Variants in DOCK2 observed in about 807,000 individuals in gnomAD.
DOCK2 encodes dedicator of cytokinesis protein 2.
In DOCK2, 87 loss-of-function variants were observed where a neutral mutation model predicts 248.9. That is an observed-to-expected ratio of 0.35 (90% confidence interval 0.29 to 0.42). DOCK2 has a LOEUF of 0.42. DOCK2 is among the 10% of genes least tolerant of loss of function. The pLI is 1.00. For missense variants in DOCK2, 1,747 were observed against 2,300.2 expected, an observed-to-expected ratio of 0.76 and a Z score of 4.92; for synonymous variants, 805 against 821.6, an observed-to-expected ratio of 0.98 and a Z score of 0.35.
chr5:170,024,529 G>A (rs1581535540), intron 33 of DOCK2, among the ~76,000 whole-genome samples: 1 of 152,224 alleles, frequency 6.6e-6, no homozygotes, highest in East Asian at 1.9e-4. Flanking sequence ...ACAATAGCAT[G>A]ATGAGCTTTG....
chr5:170,073,512 G>A (rs191606911), intron 46 of DOCK2, among the ~76,000 whole-genome samples: 1 of 152,226 alleles, frequency 6.6e-6, no homozygotes, highest in East Asian at 1.9e-4. Context: ...TGGATTAATT[G>A]TACATTAACT....
At chr5:169,760,181 A>G (rs1234742564) in intron 24 of DOCK2, among the ~76,000 whole-genome samples, 3 of 152,116 alleles carry the variant, frequency 2.0e-5, no homozygotes, top group Non-Finnish European at 4.4e-5. Context: ...TTTGCCTTCT[A>G]CTTCTTAACT....
chr5:170,047,335 A>G (rs771865707), intron 39 of DOCK2, among the ~76,000 whole-genome samples, 175 bp from the exon 40 acceptor site: 1 of 152,266 alleles, frequency 6.6e-6, no homozygotes, highest in Admixed American at 6.5e-5. Flanking sequence ...AGTCCCTGGT[A>G]TACTGTAAAT....
In DOCK2 at chr5:169,985,863, C is replaced by A; in HGVS notation, c.2934C>A (p.Asp978Glu). The change falls in exon 29 of 52, where the codon GAC becomes GAA. Residue 978 changes from aspartate (D) to glutamate (E), a missense_variant. Around this residue, in one of 4 missense-constraint regions of DOCK2, gnomAD observed 858 missense variants for 1,183.5 expected, o/e 0.72. Transcript: ENST00000520908. Reference protein sequence around the residue: ...FLMETFIMFKDLIGKNVYPGD... With the variant: ...FLMETFIMFKELIGKNVYPGD... ...TGGAGACCTTCATCATGTTCAAGGA[C>A]CTCATTGGAAAGAACGTGTACCCTG... 6.2e-7 allele frequency: 1 copy of A among 1,610,446 alleles called. No individual in the cohort carries two copies. Among genetic ancestry groups the A allele is most frequent in the Non-Finnish European group, 8.5e-7 (1 of 1,177,846 alleles).
At chr5:170,025,790 C>CCCTTACTTCCTTCCTT in intron 33 of DOCK2, among the ~76,000 whole-genome samples, 1 of 67,616 alleles carries the variant, frequency 1.5e-5, no homozygotes, top group Non-Finnish European at 3.0e-5. Context: ...CTCCTTCCCT[C>CCCTTACTTCCTTCCTT]CCTTCCTTCC....
chr5:170,006,128 C>T (rs563852499), intron 30 of DOCK2, among the ~76,000 whole-genome samples: 1 of 152,266 alleles, frequency 6.6e-6, no homozygotes, highest in South Asian at 2.1e-4. Context: ...AAAGCAAAGC[C>T]CTGGAGAAAC....
rs1020085668 is a variant in DOCK2, at chr5:170,018,737, G to A, written c.3233-223G>A. On this transcript the variant is annotated intron_variant, in intron 32 of 51. Transcript: ENST00000520908. Reference sequence around the variant, plus strand: ...TTCTACACGCACGCCCGTGTTATTAGCCTTAATAATCGGGCTTGTTTTGGA... The same window carrying A: ...TTCTACACGCACGCCCGTGTTATTAACCTTAATAATCGGGCTTGTTTTGGA... Among the ~76,000 whole-genome samples, 6 of 152,182 alleles carry A rather than the reference G, an allele frequency of 3.9e-5. No individual in the cohort carries two copies. The East Asian group carries it at 9.6e-4, about 24-fold the overall frequency.
intron 27 of DOCK2, chr5:169,883,770 C>A: frequency 1.9e-6 from 3 of 1,551,596 alleles, no homozygotes; most frequent in Non-Finnish European, 2.6e-6. Context: ...TCTTAGTGGT[C>A]CCATCTTCCT....
chr5:169,899,158 CA>C (rs1773781294), intron 27 of DOCK2, among the ~76,000 whole-genome samples: 1 of 152,058 alleles, frequency 6.6e-6, no homozygotes, highest in Admixed American at 6.6e-5. Context: ...AGTAAGAGCT[CA>C]AAAAATGTTA....
intron 27 of DOCK2, among the ~76,000 whole-genome samples, chr5:169,907,073 C>G (rs1581396564): frequency 6.6e-6 from 1 of 152,086 alleles, no homozygotes; most frequent in East Asian, 1.9e-4. Context: ...TGAAAAGATG[C>G]CAAACATAAA....
intron 27 of DOCK2, among the ~76,000 whole-genome samples, chr5:169,952,555 G>A (rs1392930429): frequency 6.6e-6 from 1 of 152,142 alleles, no homozygotes; most frequent in African/African-American, 2.4e-5. Context: ...GGCTGAGAAG[G>A]TAGTGTGGCA....
At chr5:169,905,827 G>C (rs1454267240) in intron 27 of DOCK2, among the ~76,000 whole-genome samples, 1 of 152,166 alleles carries the variant, frequency 6.6e-6, no homozygotes, top group African/African-American at 2.4e-5. Flanking sequence ...GAACACTTTG[G>C]GGCAGATGTA....
Position 170,082,423 on chromosome 5 carries a change from C to A in DOCK2, c.5431-373C>A, listed in dbSNP as rs17671355. 0.039 allele frequency among the ~76,000 whole-genome samples: 5,881 copies of A among 152,288 alleles called. 609 individuals carry two copies. In the East Asian group the frequency reaches 0.43, roughly 11 times the overall value. ...AAGGTACCATAACACATCTGATCCTCAAGGTAATATGAAATCAGGACTCTG... is the reference window on the plus strand; with the variant it reads ...AAGGTACCATAACACATCTGATCCTAAAGGTAATATGAAATCAGGACTCTG... On this transcript the variant is annotated intron_variant, in intron 51 of 51. Transcript: ENST00000520908.
Position 169,852,865 on chromosome 5 carries a change from T to C in DOCK2, c.2799+12013T>C, listed in dbSNP as rs1159473228. Among the ~76,000 whole-genome samples, 7 of 152,306 alleles carry C rather than the reference T, an allele frequency of 4.6e-5. No homozygotes were observed. In the South Asian group the frequency reaches 1.5e-3, roughly 32 times the overall value. On this transcript the variant is annotated intron_variant, in intron 27 of 51. Coordinates refer to ENST00000520908, the MANE Select transcript of DOCK2 (RefSeq NM_004946.3). ...GTGAAATACAATAAGGCACACTGTGTCTGCTGTGAAGGCCTGGAACACACA... is the reference window on the plus strand; with the variant it reads ...GTGAAATACAATAAGGCACACTGTGCCTGCTGTGAAGGCCTGGAACACACA...
At chr5:170,055,541 C>T (rs1464885246) in intron 42 of DOCK2, among the ~76,000 whole-genome samples, 155 bp downstream of exon 42, 1 of 152,236 alleles carries the variant, frequency 6.6e-6, no homozygotes, top group Non-Finnish European at 1.5e-5. Flanking sequence ...AAAGAATCAC[C>T]CTCCAATTAG....
intron 27 of DOCK2, among the ~76,000 whole-genome samples, chr5:169,948,001 ATTCCTCTCAGGCCT>A (rs1412050026): frequency 6.6e-6 from 1 of 152,120 alleles, no homozygotes; most frequent in African/African-American, 2.4e-5. Context: ...TGTCATTCTT[ATTCCTCTCAGGCCT>A]TTCCTCTGGG....
At chr5:169,864,307 T>C (rs1360136986) in intron 27 of DOCK2, 1 of 1,551,678 alleles carries the variant, frequency 6.4e-7, no homozygotes, top group Non-Finnish European at 8.7e-7. Context: ...TTTCACCTTC[T>C]TGGTTTTCCG....
At chr5:169,850,608 G>A (rs1055647708) in intron 27 of DOCK2, among the ~76,000 whole-genome samples, 10 of 152,156 alleles carry the variant, frequency 6.6e-5, no homozygotes, top group Admixed American at 5.2e-4. Context: ...GGCATTGTGA[G>A]CTTGGGGTAG....
chr5:169,682,610 A>G (rs1229764018), intron 7 of DOCK2, among the ~76,000 whole-genome samples: 1 of 152,234 alleles, frequency 6.6e-6, no homozygotes, highest in Non-Finnish European at 1.5e-5. Flanking sequence ...TTATTTAAAA[A>G]AATTATTTTA....
Sources: allele counts gnomAD v4.1 joint callset (sites outside exome capture counted in the v4.1 genomes callset), GRCh38; gene constraint gnomAD v4.1.1; regional missense constraint gnomAD v4.1.1; transcripts MANE v1.5; gene names NCBI Gene and HGNC (gene_info 2026-07-23, HGNC 2026-07-21).